RSRC1: variants seen among roughly 807,000 people sequenced by gnomAD.
The protein encoded by RSRC1 is serine/Arginine-related protein 53.
A neutral mutation model predicts 49.1 loss-of-function variants in RSRC1; 39 were observed. That is an observed-to-expected ratio of 0.79 (90% CI 0.61 to 1.04). The LOEUF (loss-of-function observed/expected upper bound fraction) is 1.04, where lower values mean the gene tolerates loss of function less well. RSRC1 is among the 50% of genes least tolerant of loss of function. The pLI, the probability that RSRC1 is intolerant of heterozygous loss-of-function variation, is 0.00. For missense variants in RSRC1, 388 were observed against 402.4 expected, an observed-to-expected ratio of 0.96 and a Z score of 0.31; for synonymous variants, 143 against 130.8, an observed-to-expected ratio of 1.09 and a Z score of -0.63.
intron 1 of RSRC1, among the ~76,000 whole-genome samples, chr3:158,118,467 G>GCA (rs1715022628): frequency 4.7e-5 from 7 of 147,948 alleles, no homozygotes; most frequent in Admixed American, 6.8e-5. Context: ...GTGTGTGCGC[G>GCA]TGCGCGTGGT....
At chr3:158,357,180 C>A (rs868200759) in intron 6 of RSRC1, among the ~76,000 whole-genome samples, 1 of 152,130 alleles carries the variant, frequency 6.6e-6, no homozygotes, top group South Asian at 2.1e-4. Flanking sequence ...GTAATGAACA[C>A]CCTCTTATAC....
chr3:158,296,178 G>A (rs1727228226), intron 4 of RSRC1, among the ~76,000 whole-genome samples: 1 of 152,012 alleles, frequency 6.6e-6, no homozygotes, highest in South Asian at 2.1e-4. Flanking sequence ...GAACCATTTT[G>A]TGACAATGTA....
intron 4 of RSRC1, among the ~76,000 whole-genome samples, chr3:158,297,072 A>C (rs917743217): frequency 6.6e-6 from 1 of 152,098 alleles, no homozygotes; most frequent in African/African-American, 2.4e-5. Flanking sequence ...AACATCATGA[A>C]TATAATAATG....
intron 6 of RSRC1, among the ~76,000 whole-genome samples, chr3:158,378,880 C>T (rs976651296): frequency 6.6e-6 from 1 of 152,164 alleles, no homozygotes; most frequent in Non-Finnish European, 1.5e-5. Flanking sequence ...CCCTTTCTTC[C>T]AAGTTTCAGC....
intron 6 of RSRC1, among the ~76,000 whole-genome samples, chr3:158,437,914 A>C (rs1736140695): frequency 6.6e-6 from 1 of 152,182 alleles, no homozygotes; most frequent in Non-Finnish European, 1.5e-5. Context: ...TATATTTAGA[A>C]AACTCCATCA....
At chr3:158,298,680 A>G (rs987269254) in intron 5 of RSRC1, among the ~76,000 whole-genome samples, 5 of 152,136 alleles carry the variant, frequency 3.3e-5, no homozygotes, top group African/African-American at 1.2e-4. Flanking sequence ...CAATTGTAAT[A>G]TGTTTGAAAT....
At chr3:158,145,669 A>C (rs925981920) in intron 3 of RSRC1, among the ~76,000 whole-genome samples, 1 of 152,202 alleles carries the variant, frequency 6.6e-6, no homozygotes, top group Non-Finnish European at 1.5e-5. Context: ...TTCTGTGAAG[A>C]AAGTCATTGG....
chr3:158,309,467 C>T (rs889727569), intron 5 of RSRC1, among the ~76,000 whole-genome samples: 2 of 151,596 alleles, frequency 1.3e-5, no homozygotes, highest in African/African-American at 2.4e-5. Flanking sequence ...ATTTAATAAA[C>T]GTTTAATAAA....
intron 7 of RSRC1, among the ~76,000 whole-genome samples, chr3:158,490,708 G>A (rs772575215): frequency 6.6e-6 from 1 of 152,194 alleles, no homozygotes; most frequent in African/African-American, 2.4e-5. Context: ...GAGAACATAT[G>A]TGATAGATCT....
At chr3:158,313,939 G>C (rs529349916) in intron 5 of RSRC1, among the ~76,000 whole-genome samples, 93 of 152,190 alleles carry the variant, frequency 6.1e-4, no homozygotes, top group Admixed American at 2.1e-3. Flanking sequence ...AGTTTTTACA[G>C]AACCATAAAG....
intron 6 of RSRC1, among the ~76,000 whole-genome samples, chr3:158,405,799 A>G (rs2108314533): frequency 6.6e-6 from 1 of 152,270 alleles, no homozygotes; most frequent in Non-Finnish European, 1.5e-5. Context: ...CATGGCTGTT[A>G]GCATTTGCTA....
At chr3:158,375,159 G>GTTA (rs60589390) in intron 6 of RSRC1, among the ~76,000 whole-genome samples, 1,578 of 145,206 alleles carry the variant, frequency 0.011, 10 homozygotes, top group East Asian at 0.054. Context: ...GACTTAGCAA[G>GTTA]TTATTATTAT....
intron 3 of RSRC1, among the ~76,000 whole-genome samples, chr3:158,181,444 A>G (rs1382070986): frequency 1.3e-5 from 2 of 152,192 alleles, no homozygotes; most frequent in African/African-American, 2.4e-5. Context: ...AAATCCTTCA[A>G]ATTATGACCC....
chr3:158,214,250 C>G (rs1279608604), intron 4 of RSRC1, among the ~76,000 whole-genome samples: 1 of 151,754 alleles, frequency 6.6e-6, no homozygotes, highest in Non-Finnish European at 1.5e-5. Context: ...CTTATTCCAT[C>G]TTAGTTGTTG....
At chr3:158,506,926 A>G (rs565322316) in intron 7 of RSRC1, among the ~76,000 whole-genome samples, 2 of 151,692 alleles carry the variant, frequency 1.3e-5, no homozygotes, top group South Asian at 4.2e-4. Context: ...TTATGGAAAA[A>G]TATCTGCACC....
chr3:158,365,906 A>C (rs79669269), intron 6 of RSRC1, among the ~76,000 whole-genome samples: 11,137 of 152,184 alleles, frequency 0.073, 469 homozygotes, highest in South Asian at 0.13. Context: ...CATAGTGATG[A>C]TGAGCTTTTT....
chr3:158,495,708 C>T (rs1230991738), intron 7 of RSRC1, among the ~76,000 whole-genome samples: 1 of 152,154 alleles, frequency 6.6e-6, no homozygotes, highest in Non-Finnish European at 1.5e-5. Flanking sequence ...GGTCAGCAAA[C>T]TAAGACCAAT....
rs181213343 is a variant in RSRC1, at chr3:158,317,895, C to T, written c.531+19820C>T. On this transcript the variant is annotated intron_variant, in intron 5 of 9. Coordinates refer to ENST00000611884, the MANE Select transcript of RSRC1 (RefSeq NM_001271838.2). ...ATTTTAAAAATTCACACAGAACACA[C>T]GAATTGGATCCCCCTAGAGCAAACT... is the stretch of plus-strand genomic sequence containing the variant. 7.9e-5 allele frequency among the ~76,000 whole-genome samples: 12 copies of T among 152,226 alleles called. No individual in the cohort carries two copies. The East Asian group carries it at 1.2e-3, about 15-fold the overall frequency.
At chr3:158,487,662 A>C (rs1738867142) in intron 7 of RSRC1, among the ~76,000 whole-genome samples, 1 of 151,976 alleles carries the variant, frequency 6.6e-6, no homozygotes, top group Non-Finnish European at 1.5e-5. Context: ...GTGCCTGAAT[A>C]AAAAACTGGC....
Sources: allele counts gnomAD v4.1 joint callset (sites outside exome capture counted in the v4.1 genomes callset), GRCh38; gene constraint gnomAD v4.1.1; transcripts MANE v1.5; gene names NCBI Gene and HGNC (gene_info 2026-07-23, HGNC 2026-07-21).